CNTN5: variants seen among roughly 807,000 people sequenced by gnomAD.
The protein encoded by CNTN5 is contactin-5.
Under a neutral mutation model 129.1 loss-of-function variants are expected in CNTN5, and 77 were observed. That is an observed-to-expected ratio of 0.60 (90% CI 0.50 to 0.72). The LOEUF (loss-of-function observed/expected upper bound fraction) is 0.72, where lower values mean the gene tolerates loss of function less well. Ranked by LOEUF, CNTN5 falls within the 30% of genes least tolerant of loss-of-function variation. The pLI, the probability that CNTN5 is intolerant of heterozygous loss-of-function variation, is 0.00. For synonymous variants in CNTN5, 509 were observed against 465.6 expected (o/e 1.09, Z -1.20); for missense variants, 1,478 against 1,328.8 (o/e 1.11, Z -1.75).
intron 2 of CNTN5, among the ~76,000 whole-genome samples, chr11:99,393,675 A>T (rs988705967): frequency 8.6e-5 from 13 of 151,700 alleles, no homozygotes; most frequent in African/African-American, 3.1e-4. Flanking sequence ...CTGGCTTCTC[A>T]TTCCCCATCT....
chr11:99,731,139 T>G (rs1275015298), intron 3 of CNTN5, among the ~76,000 whole-genome samples: 2 of 151,986 alleles, frequency 1.3e-5, no homozygotes, highest in African/African-American at 4.8e-5. Context: ...GACGGAGTCT[T>G]GCTCTGTCGC....
chr11:99,090,421 A>G (rs1378119500), intron 1 of CNTN5, among the ~76,000 whole-genome samples: 1 of 152,222 alleles, frequency 6.6e-6, no homozygotes, highest in African/African-American at 2.4e-5. Context: ...AACTCTGTTC[A>G]TAGCTGTAAG....
intron 2 of CNTN5, among the ~76,000 whole-genome samples, chr11:99,408,295 T>C (rs2134990623): frequency 6.7e-6 from 1 of 149,616 alleles, no homozygotes; most frequent in South Asian, 2.1e-4. Context: ...CATAGCTCAC[T>C]GCAGCCTGGA....
intron 13 of CNTN5, among the ~76,000 whole-genome samples, chr11:100,163,093 A>ATCTT (rs1947513114): frequency 6.6e-6 from 1 of 151,798 alleles, no homozygotes. Flanking sequence ...GGCAAAAATT[A>ATCTT]TCTTTCAAAA....
At chr11:99,783,705 T>C (rs1335117470) in intron 3 of CNTN5, among the ~76,000 whole-genome samples, 1 of 142,570 alleles carries the variant, frequency 7.0e-6, no homozygotes, top group Non-Finnish European at 1.5e-5. Flanking sequence ...TCATTCTCAG[T>C]AAACTACCGC....
At chr11:100,080,008 G>T (rs1259512768) in intron 13 of CNTN5, among the ~76,000 whole-genome samples, 1 of 152,130 alleles carries the variant, frequency 6.6e-6, no homozygotes, top group East Asian at 1.9e-4. Context: ...TGTGGACAAA[G>T]ACAATCTTAG....
intron 3 of CNTN5, among the ~76,000 whole-genome samples, chr11:99,702,011 T>G (rs1176830503): frequency 6.6e-6 from 1 of 151,156 alleles, no homozygotes; most frequent in Non-Finnish European, 1.5e-5. Flanking sequence ...GTCACAGTCC[T>G]TATTTATTTA....
intron 10 of CNTN5, among the ~76,000 whole-genome samples, chr11:100,067,296 G>A (rs1188334513): frequency 6.6e-6 from 1 of 152,000 alleles, no homozygotes; most frequent in Non-Finnish European, 1.5e-5. Context: ...TTCCACTTGT[G>A]TGTGTGTCTG....
intron 6 of CNTN5, among the ~76,000 whole-genome samples, chr11:99,902,419 G>A (rs1177703418): frequency 6.6e-6 from 1 of 151,906 alleles, no homozygotes; most frequent in Non-Finnish European, 1.5e-5. Context: ...GCCTAACCTT[G>A]AACTAGACTA....
chr11:100,189,697 T>C (rs1333778347), intron 13 of CNTN5, among the ~76,000 whole-genome samples: 1 of 152,164 alleles, frequency 6.6e-6, no homozygotes, highest in Non-Finnish European at 1.5e-5. Flanking sequence ...TTCATTTTCA[T>C]AGAAAATGAA....
chr11:99,036,516 AATTT>A (rs1275428359), intron 1 of CNTN5, among the ~76,000 whole-genome samples: 2 of 152,170 alleles, frequency 1.3e-5, no homozygotes, highest in Non-Finnish European at 2.9e-5. Context: ...ATTATCTATC[AATTT>A]ATTTCTCATA....
chr11:99,224,680 G>A (rs1286429249), intron 1 of CNTN5, among the ~76,000 whole-genome samples: 4 of 20,672 alleles, frequency 1.9e-4, no homozygotes, highest in Admixed American at 5.4e-4. Context: ...TTTTTTTTGA[G>A]ACAGTCTTGC....
intron 6 of CNTN5, among the ~76,000 whole-genome samples, chr11:99,915,625 C>T (rs1156869072): frequency 6.6e-6 from 1 of 152,194 alleles, no homozygotes; most frequent in Admixed American, 6.6e-5. Context: ...CTTGGTTTTA[C>T]ACATCATTCT....
chr11:99,723,793 C>T (rs184346629), intron 3 of CNTN5, among the ~76,000 whole-genome samples: 8 of 143,452 alleles, frequency 5.6e-5, no homozygotes, highest in Admixed American at 2.0e-4. Flanking sequence ...CATGCGCACG[C>T]GTGTGTGTTT....
intron 3 of CNTN5, among the ~76,000 whole-genome samples, chr11:99,716,321 C>T (rs775605948): frequency 3.3e-5 from 5 of 152,002 alleles, no homozygotes; most frequent in Non-Finnish European, 7.4e-5. Flanking sequence ...CATGTTAAAT[C>T]GATGACTACT....
chr11:100,287,712 TA>T (rs1950830823), intron 18 of CNTN5, among the ~76,000 whole-genome samples: 1 of 151,906 alleles, frequency 6.6e-6, no homozygotes, highest in Non-Finnish European at 1.5e-5. Flanking sequence ...ATGAGCAAAA[TA>T]ACCAGCTAAC....
At chr11:99,520,240 T>C (rs1947224640) in intron 2 of CNTN5, among the ~76,000 whole-genome samples, 1 of 152,136 alleles carries the variant, frequency 6.6e-6, no homozygotes, top group Non-Finnish European at 1.5e-5. Context: ...TCCTAAACTT[T>C]GAAGTAGCTT....
At chr11:100,046,342 T>G (rs552558243) in intron 9 of CNTN5, among the ~76,000 whole-genome samples, 1 of 152,180 alleles carries the variant, frequency 6.6e-6, no homozygotes, top group Non-Finnish European at 1.5e-5. Flanking sequence ...CTGCATGATA[T>G]TCTCCAATCC....
At chr11:100,352,479 CA>C (rs778873152) in intron 24 of CNTN5, among the ~76,000 whole-genome samples, 6 of 151,354 alleles carry the variant, frequency 4.0e-5, no homozygotes, top group South Asian at 4.2e-4. Flanking sequence ...TCAAATGTTT[CA>C]AAAAAATGTA....
Sources: gnomAD v4.1 joint callset for allele counts (sites outside exome capture counted in the v4.1 genomes callset) on GRCh38, gnomAD v4.1.1 for gene constraint, MANE v1.5 for transcripts, NCBI Gene and HGNC (gene_info 2026-07-23, HGNC 2026-07-21) for gene names.